The following PTK2 variants were observed in gnomAD, a reference collection of about 807,000 sequenced individuals.
PTK2 encodes focal adhesion kinase 1.
Under a neutral mutation model 150.1 loss-of-function variants are expected in PTK2, and 45 were observed. That is an observed-to-expected ratio of 0.30 (90% confidence interval 0.24 to 0.38). The LOEUF (loss-of-function observed/expected upper bound fraction) is 0.38. PTK2 is among the 10% of genes least tolerant of loss of function. PTK2 has a pLI of 1.00. For missense variants in PTK2, 919 were observed against 1,307.3 expected (o/e 0.70, Z 4.58); for synonymous variants, 432 against 449.2 (o/e 0.96, Z 0.48).
At chr8:140,975,404 T>C (rs1363407095) in intron 1 of PTK2, among the ~76,000 whole-genome samples, 3 of 152,130 alleles carry the variant, frequency 2.0e-5, no homozygotes, top group Admixed American at 1.3e-4. Flanking sequence ...CCAACCTATT[T>C]CTCCACATGT....
intron 2 of PTK2, among the ~76,000 whole-genome samples, chr8:140,918,966 G>C: frequency 6.6e-6 from 1 of 152,112 alleles, no homozygotes; most frequent in East Asian, 1.9e-4. Flanking sequence ...TAACAACAAG[G>C]TTTCCTGCCT....
intron 2 of PTK2, among the ~76,000 whole-genome samples, chr8:140,925,109 T>C (rs903951338): frequency 1.3e-5 from 2 of 151,942 alleles, no homozygotes; most frequent in African/African-American, 4.8e-5. Context: ...ACATTTCTCA[T>C]ATAATTGTCA....
rs536131204 is a variant in PTK2 at position 140,665,741 on chromosome 8, G to A, written c.2866-744C>T. 9.9e-5 allele frequency among the ~76,000 whole-genome samples: 15 copies of A among 152,144 alleles called. No individual in the cohort carries two copies. In the South Asian group the frequency reaches 2.5e-3, roughly 25 times the overall value. On this transcript the variant is annotated intron_variant, in intron 30 of 31. Transcript: ENST00000522684. Reference sequence around the variant, plus strand: ...AATTGGATCAACATACAAAAAGAACGTCATTTGGCCAAAGTAAAACGGTTA... The same window carrying A: ...AATTGGATCAACATACAAAAAGAACATCATTTGGCCAAAGTAAAACGGTTA...
chr8:140,717,296 C>T (rs2100040225), intron 23 of PTK2, among the ~76,000 whole-genome samples: 3 of 152,082 alleles, frequency 2.0e-5, no homozygotes, highest in African/African-American at 7.2e-5. Flanking sequence ...AGATCTCTGA[C>T]AATCAACAAA....
chr8:140,960,168 T>C (rs72687514), intron 1 of PTK2, among the ~76,000 whole-genome samples: 4,477 of 149,516 alleles, frequency 0.03, 98 homozygotes, highest in Non-Finnish European at 0.043. Context: ...AAAAAACACA[T>C]TGTAAATGCA....
At chr8:140,696,922 C>CTAA (rs1372984557) in intron 26 of PTK2, among the ~76,000 whole-genome samples, 1 of 151,834 alleles carries the variant, frequency 6.6e-6, no homozygotes, top group Non-Finnish European at 1.5e-5. Flanking sequence ...ATCTCACAGG[C>CTAA]ATTAAGAAAG....
intron 1 of PTK2, among the ~76,000 whole-genome samples, chr8:140,975,075 T>A (rs951374568): frequency 2.6e-5 from 4 of 152,212 alleles, no homozygotes; most frequent in Non-Finnish European, 5.9e-5. Flanking sequence ...TTCATTTATA[T>A]GTACAACATA....
At position 140,668,183 on chromosome 8, in the gene PTK2, G is replaced by T. The variant is rs112978533; in HGVS notation, c.2865+86C>A. 14 of 1,501,596 alleles carry T rather than the reference G, an allele frequency of 9.3e-6. No individual in the cohort carries two copies. In the African/African-American group the frequency reaches 1.6e-4, roughly 18 times the overall value. 93.0% of individuals were successfully genotyped at this position (1,501,596 alleles called of 1,614,324 possible). On this transcript the variant is annotated intron_variant, in intron 30 of 31. Coordinates refer to ENST00000522684, the Ensembl canonical transcript of PTK2. ...TCAGTTCTGACTTTGGTGGGGCGGG[G>T]GGACCTAGAGACATCTATCAACTGG...
intron 1 of PTK2, among the ~76,000 whole-genome samples, chr8:140,955,965 G>A (rs1036860018): frequency 6.6e-6 from 1 of 152,160 alleles, no homozygotes; most frequent in South Asian, 2.1e-4. Context: ...TCTGGAAAAG[G>A]AGAGCATCCT....
intron 2 of PTK2, among the ~76,000 whole-genome samples, chr8:140,895,767 A>T (rs2100155949): frequency 6.6e-6 from 1 of 152,098 alleles, no homozygotes; most frequent in Non-Finnish European, 1.5e-5. Flanking sequence ...GGTGATGGAT[A>T]CCCCATTTAG....
At chr8:140,885,238 GTTAT>G (rs2100151838) in intron 3 of PTK2, among the ~76,000 whole-genome samples, 1 of 152,132 alleles carries the variant, frequency 6.6e-6, no homozygotes, top group Non-Finnish European at 1.5e-5. Context: ...TATCTTTGTG[GTTAT>G]TTGTCAATTA....
chr8:140,861,641 T>C (rs1023139675), intron 5 of PTK2, among the ~76,000 whole-genome samples: 18 of 152,230 alleles, frequency 1.2e-4, no homozygotes, highest in Admixed American at 7.9e-4. Flanking sequence ...GGCAATTATA[T>C]GGCAGACAAT....
At chr8:140,909,212 T>C (rs2100162128) in intron 2 of PTK2, 1 of 154,266 alleles carries the variant, frequency 6.5e-6, no homozygotes, top group African/African-American at 2.4e-5. Flanking sequence ...GGGGTGAAAC[T>C]ATACGCAGAC....
intron 7 of PTK2, among the ~76,000 whole-genome samples, chr8:140,834,000 T>C (rs542177787): frequency 2.0e-5 from 3 of 152,348 alleles, no homozygotes; most frequent in South Asian, 4.1e-4. Context: ...CTTACATTAG[T>C]TGAATTAAAT....
intron 23 of PTK2, among the ~76,000 whole-genome samples, chr8:140,715,172 T>TG (rs2100038966): frequency 7.9e-6 from 1 of 127,336 alleles, no homozygotes. Flanking sequence ...TTTTTTTTTT[T>TG]TTTTTTTTTT....
chr8:140,665,313 C>G (rs2089611998), intron 30 of PTK2, among the ~76,000 whole-genome samples: 1 of 151,906 alleles, frequency 6.6e-6, no homozygotes, highest in African/African-American at 2.4e-5. Context: ...GCAGATTATA[C>G]CACCCTCCTG....
chr8:140,967,319 A>C (rs1199093037), intron 1 of PTK2, among the ~76,000 whole-genome samples: 1 of 152,218 alleles, frequency 6.6e-6, no homozygotes, highest in Non-Finnish European at 1.5e-5. Context: ...CAGCTGAGTA[A>C]TGTTCAATAT....
At chr8:140,766,441 T>A (rs2100072338) in intron 14 of PTK2, among the ~76,000 whole-genome samples, 1 of 152,176 alleles carries the variant, frequency 6.6e-6, no homozygotes, top group South Asian at 2.1e-4. Flanking sequence ...TTTGCCCCCA[T>A]CCCACTGTTC....
intron 20 of PTK2, among the ~76,000 whole-genome samples, chr8:140,739,943 T>C (rs1350307081): frequency 1.3e-5 from 2 of 151,044 alleles, no homozygotes; most frequent in Non-Finnish European, 2.9e-5. Flanking sequence ...ACCTTGAGTA[T>C]TGATTTTGGG....
Sources: allele counts gnomAD v4.1 joint callset (sites outside exome capture counted in the v4.1 genomes callset), GRCh38; gene constraint gnomAD v4.1.1; transcripts MANE v1.5; gene names NCBI Gene and HGNC (gene_info 2026-07-23, HGNC 2026-07-21).